NRSN1: variants seen among roughly 807,000 people sequenced by gnomAD.
NRSN1 encodes the protein neurensin-1.
NRSN1 carries 14 observed loss-of-function variants against 17.3 expected under a neutral mutation model. That is an observed-to-expected ratio of 0.81 (90% confidence interval 0.54 to 1.27). The LOEUF is 1.27. NRSN1 is among the 50% of genes most tolerant of loss of function. NRSN1 has a pLI of 0.00. For missense variants in NRSN1, 209 were observed against 235.9 expected, an observed-to-expected ratio of 0.89 and a Z score of 0.75; for synonymous variants, 79 against 94.2, an observed-to-expected ratio of 0.84 and a Z score of 0.93.
chr6:24,138,302 T>C (rs1415870147), intron 3 of NRSN1, among the ~76,000 whole-genome samples: 1 of 152,194 alleles, frequency 6.6e-6, no homozygotes, highest in African/African-American at 2.4e-5. Flanking sequence ...TGATGCCATC[T>C]ATAAAAATCG....
intron 3 of NRSN1, among the ~76,000 whole-genome samples, chr6:24,138,680 C>T (rs981284484): frequency 1.3e-5 from 2 of 152,198 alleles, no homozygotes; most frequent in Non-Finnish European, 2.9e-5. Flanking sequence ...TCTTTCCTCT[C>T]AAGACCCAGG....
At chr6:24,139,248 G>C (rs980034968) in intron 3 of NRSN1, among the ~76,000 whole-genome samples, 1 of 152,106 alleles carries the variant, frequency 6.6e-6, no homozygotes, top group African/African-American at 2.4e-5. Flanking sequence ...ATGTCCTGTG[G>C]AAGACTACTA....
chr6:24,138,312 G>A (rs1476934053), intron 3 of NRSN1, among the ~76,000 whole-genome samples: 1 of 152,036 alleles, frequency 6.6e-6, no homozygotes, highest in Non-Finnish European at 1.5e-5. Flanking sequence ...TATAAAAATC[G>A]ATGTAACACA....
intron 1 of NRSN1, 137 bp from the exon 2 acceptor site, chr6:24,127,991 T>A (rs1759973789): frequency 6.6e-6 from 1 of 152,244 alleles, no homozygotes; most frequent in Admixed American, 6.5e-5. Flanking sequence ...TAGAAAGCTA[T>A]CTCAATTCTT....
chr6:24,134,967 C>A (rs1760094827), intron 3 of NRSN1, among the ~76,000 whole-genome samples: 1 of 152,202 alleles, frequency 6.6e-6, no homozygotes, highest in African/African-American at 2.4e-5. Context: ...AGCTCCGTCT[C>A]TACCGAGTGT....
chr6:24,131,509 A>G (rs1760028756), intron 2 of NRSN1, among the ~76,000 whole-genome samples: 1 of 152,132 alleles, frequency 6.6e-6, no homozygotes, highest in Non-Finnish European at 1.5e-5. Flanking sequence ...CTGACTATGC[A>G]AGTATATGAT....
In NRSN1 at chr6:24,137,741, G is replaced by A. The variant is rs113020613; in HGVS notation, c.189+3225G>A. On this transcript the variant is annotated intron_variant, in intron 3 of 3. Coordinates refer to ENST00000378491, the MANE Select transcript of NRSN1 (RefSeq NM_080723.5). Reference sequence around the variant, plus strand: ...TGTTCCCCTTCCTGGTACACAGATTGTTATAATGCAATATACTAAATGCTC... The same window carrying A: ...TGTTCCCCTTCCTGGTACACAGATTATTATAATGCAATATACTAAATGCTC... Among the ~76,000 whole-genome samples the A allele has an allele frequency of 8.4e-4, 127 of 152,034 alleles. 3 individuals are homozygous for A. Among genetic ancestry groups the A allele is most frequent in the Admixed American group, 3.6e-3 (55 of 15,280 alleles).
At position 24,144,563 on chromosome 6, in the gene NRSN1, T is replaced by C. The variant is rs1760270473; in HGVS notation, c.190-985T>C. Reference sequence around the variant, plus strand: ...GGATTGTTAGGGACAATTCTATGATTGGATATCTTAATATATCTTATGTAT... The same window carrying C: ...GGATTGTTAGGGACAATTCTATGATCGGATATCTTAATATATCTTATGTAT... On this transcript the variant is annotated intron_variant, in intron 3 of 3. Transcript: ENST00000378491. Among the ~76,000 whole-genome samples the C allele has an allele frequency of 1.3e-5, 2 of 152,158 alleles. 1 individual carries two copies. Among genetic ancestry groups the C allele is most frequent in the South Asian group, 4.1e-4 (2 of 4,826 alleles).
intron 2 of NRSN1, among the ~76,000 whole-genome samples, 162 bp downstream of exon 2, chr6:24,128,362 C>G (rs1182547849): frequency 6.6e-6 from 1 of 152,120 alleles, no homozygotes; most frequent in Non-Finnish European, 1.5e-5. Context: ...TAAATGATAA[C>G]AAGTAAGATA....
chr6:24,134,439 A>T lies in NRSN1; in HGVS notation c.112A>T (p.Thr38Ser). 2 of 1,614,158 alleles carry T rather than the reference A, an allele frequency of 1.2e-6. No homozygotes were observed. Among genetic ancestry groups the T allele is most frequent in the Non-Finnish European group, 1.7e-6 (2 of 1,179,986 alleles). Residue 38 changes from threonine (T) to serine (S), a missense_variant, in exon 3 of 4, where the codon ACA (threonine) becomes TCA (serine). Physicochemically the swap from Thr to Ser is moderately conservative, Grantham distance 58. Coordinates refer to ENST00000378491, the MANE Select transcript of NRSN1 (RefSeq NM_080723.5). ...SYLHQFYEDC[T>S]ASIWEYEDDF... ...CCTGCACCAGTTTTATGAGGACTGT[A>T]CAGCCTCAATTTGGGAGTATGAGGA...
At chr6:24,130,380 T>C (rs1760009517) in intron 2 of NRSN1, among the ~76,000 whole-genome samples, 1 of 152,180 alleles carries the variant, frequency 6.6e-6, no homozygotes, top group African/African-American at 2.4e-5. Flanking sequence ...TGTCCATCAA[T>C]CAAATAAGAT....
intron 3 of NRSN1, among the ~76,000 whole-genome samples, chr6:24,140,123 A>C (rs1760179112): frequency 6.6e-6 from 1 of 152,246 alleles, no homozygotes; most frequent in Non-Finnish European, 1.5e-5. Context: ...AGCCTAAAAA[A>C]TAAATTAGAT....
Position 24,133,689 on chromosome 6 carries a change from C to T in NRSN1, c.-9-630C>T, listed in dbSNP as rs192346630. ...CTTTGTTGCCATTTCTTGTGTGCTTCATGCTTAAATGTGTACCTAATTTAT... is the reference window on the plus strand; with the variant it reads ...CTTTGTTGCCATTTCTTGTGTGCTTTATGCTTAAATGTGTACCTAATTTAT... On this transcript the variant is annotated intron_variant, in intron 2 of 3. Coordinates refer to ENST00000378491, the MANE Select transcript of NRSN1 (RefSeq NM_080723.5). Among the ~76,000 whole-genome samples, 55 of 152,298 alleles carry T rather than the reference C, an allele frequency of 3.6e-4. No individual in the cohort carries two copies. The Middle Eastern group carries it at 0.02, about 57-fold the overall frequency.
chr6:24,145,478 CTTGAGGG>C lies in NRSN1; in HGVS notation c.190-69_190-63del. On this transcript the variant is annotated intron_variant, in intron 3 of 3. Coordinates refer to ENST00000378491, the MANE Select transcript of NRSN1 (RefSeq NM_080723.5). This position sits in a 1 kb window ranked among gnomAD's most constrained non-coding sequence, Gnocchi z 4.4. ...CTCAAGAAACAAGACAAGTGCTGCC[CTTGAGGG>C]CTCAGGGGCGAGCCGAAGCACCTTC... The C allele has an allele frequency of 8.1e-7, 1 of 1,231,760 alleles. No homozygotes were observed. Among genetic ancestry groups the C allele is most frequent in the East Asian group, 2.6e-5 (1 of 38,416 alleles). 76.3% of individuals were successfully genotyped at this position (1,231,760 alleles called of 1,614,324 possible).
chr6:24,145,300 A>T lies in NRSN1; in HGVS notation c.190-248A>T, dbSNP rs185173321. On this transcript the variant is annotated intron_variant, in intron 3 of 3. Coordinates refer to ENST00000378491, the MANE Select transcript of NRSN1 (RefSeq NM_080723.5). This position sits in a 1 kb window ranked among gnomAD's most constrained non-coding sequence, Gnocchi z 4.4. ...AATATATGTATATCTTTAGATATAT[A>T]ATATATATATATGATATATACATAT... is the stretch of plus-strand genomic sequence containing the variant. Among the ~76,000 whole-genome samples, 2,613 of 147,432 alleles carry T rather than the reference A, an allele frequency of 0.018. 43 individuals carry two copies. The highest frequency in any genetic ancestry group is 0.051 in the Admixed American group (746 of 14,638).
At chr6:24,133,828 T>TTTGTTG (rs34811949) in intron 2 of NRSN1, among the ~76,000 whole-genome samples, 1 of 151,926 alleles carries the variant, frequency 6.6e-6, no homozygotes, top group African/African-American at 2.4e-5. Context: ...GAAAGACAGG[T>TTTGTTG]TTGTTGTTGT....
At chr6:24,143,769 T>A (rs2113718211) in intron 3 of NRSN1, among the ~76,000 whole-genome samples, 1 of 152,330 alleles carries the variant, frequency 6.6e-6, no homozygotes, top group Admixed American at 6.5e-5. Flanking sequence ...CTTATTACAA[T>A]TTATAATTTT....
At chr6:24,141,092 G>A (rs1478446585) in intron 3 of NRSN1, 5 of 1,395,452 alleles carry the variant, frequency 3.6e-6, no homozygotes, top group African/African-American at 1.5e-5. Context: ...TTGCTCTGCT[G>A]AGCCTGGAGG....
chr6:24,133,680 T>G (rs1386368589), intron 2 of NRSN1, among the ~76,000 whole-genome samples: 1 of 152,252 alleles, frequency 6.6e-6, no homozygotes. Context: ...TGCCATTTCT[T>G]GTGTGCTTCA....
Sources: allele counts gnomAD v4.1 joint callset (sites outside exome capture counted in the v4.1 genomes callset), GRCh38; gene constraint gnomAD v4.1.1; non-coding constraint Gnocchi (gnomAD v3.1); transcripts MANE v1.5; gene names NCBI Gene and HGNC (gene_info 2026-07-23, HGNC 2026-07-21).